NAA16: variants seen among roughly 807,000 people sequenced by gnomAD.
NAA16 encodes N-alpha-acetyltransferase 16, NatA auxiliary subunit, also known as NARG1-like protein.
A neutral mutation model predicts 110.3 loss-of-function variants in NAA16; 97 were observed. The ratio of observed to expected loss-of-function variants is 0.88; its 90% CI spans 0.75 to 1.04. The LOEUF (loss-of-function observed/expected upper bound fraction) is 1.04, where lower values mean the gene tolerates loss of function less well. Ranked by LOEUF, NAA16 falls within the 50% of genes least tolerant of loss-of-function variation. The pLI is 0.00. For missense variants in NAA16, 1,017 were observed against 1,005.1 expected, an observed-to-expected ratio of 1.01 and a Z score of -0.16; for synonymous variants, 372 against 330.6, an observed-to-expected ratio of 1.13 and a Z score of -1.36.
Position 41,367,020 on chromosome 13 carries a change from A to G in NAA16, c.1540-419A>G, listed in dbSNP as rs542475809. On this transcript the variant is annotated intron_variant, in intron 13 of 19. Coordinates refer to ENST00000379406, the MANE Select transcript of NAA16 (RefSeq NM_024561.5). The stretch of plus-strand genomic sequence containing the variant: ...AATGGTAGAGTTGAGTAGAGCAGTC[A>G]GATTTGTAAATATTTAGTGTGAACC... 2.0e-5 allele frequency among the ~76,000 whole-genome samples: 3 copies of G among 152,284 alleles called. 1 individual carries two copies. In the South Asian group the frequency reaches 6.2e-4, roughly 32 times the overall value.
chr13:41,360,763 C>T (rs1429271394), intron 12 of NAA16, among the ~76,000 whole-genome samples: 5 of 152,162 alleles, frequency 3.3e-5, no homozygotes, highest in African/African-American at 7.2e-5. Context: ...GAGTGAAGGG[C>T]GCATATTTCC....
chr13:41,351,159 G>T (rs547392158), intron 9 of NAA16, among the ~76,000 whole-genome samples: 8 of 152,296 alleles, frequency 5.3e-5, no homozygotes, highest in Admixed American at 1.3e-4. Context: ...TTTTCATAAA[G>T]TTGGGGAAAA....
At chr13:41,364,677 TCTAA>T (rs2043176930) in intron 13 of NAA16, among the ~76,000 whole-genome samples, 1 of 150,232 alleles carries the variant, frequency 6.7e-6, no homozygotes, top group East Asian at 2.0e-4. Flanking sequence ...TACATATATT[TCTAA>T]CTCTTTGATA....
chr13:41,342,884 C>A (rs1355308386), intron 9 of NAA16, among the ~76,000 whole-genome samples: 1 of 152,190 alleles, frequency 6.6e-6, no homozygotes, highest in African/African-American at 2.4e-5. Context: ...TTGTAGCACT[C>A]TTCCATCAGT....
chr13:41,355,279 C>A, intron 10 of NAA16, 63 bp downstream of exon 10: 1 of 1,024,562 alleles, frequency 9.8e-7, no homozygotes, highest in South Asian at 1.4e-5. Flanking sequence ...CACAGTAATG[C>A]TCTTTTATGT....
chr13:41,339,126 G>GTT (rs1211374543), intron 9 of NAA16, among the ~76,000 whole-genome samples: 3 of 147,794 alleles, frequency 2.0e-5, no homozygotes, highest in Non-Finnish European at 4.5e-5. Flanking sequence ...TGTTTTTGTT[G>GTT]TTGTTGTTTG....
At chr13:41,319,590 T>A (rs577752917) in intron 3 of NAA16, among the ~76,000 whole-genome samples, 137 of 152,206 alleles carry the variant, frequency 9.0e-4, no homozygotes, top group African/African-American at 3.1e-3. Context: ...GATCTAGGCT[T>A]ACTGCAACCT....
chr13:41,339,609 G>A (rs1243568556), intron 9 of NAA16, among the ~76,000 whole-genome samples: 1 of 152,086 alleles, frequency 6.6e-6, no homozygotes, highest in African/African-American at 2.4e-5. Context: ...CCAGGCTAGA[G>A]TGCAGTGGTG....
rs572712530 is a variant in NAA16, at chr13:41,360,041, A to G, written c.1410+1079A>G. ...AATAGCACTAGGTTCAAAGTCTTCAATGCCCTTTCCACTATATCACAGGTT... is the reference window on the plus strand; with the variant it reads ...AATAGCACTAGGTTCAAAGTCTTCAGTGCCCTTTCCACTATATCACAGGTT... On this transcript the variant is annotated intron_variant, in intron 12 of 19. Coordinates refer to ENST00000379406, the MANE Select transcript of NAA16 (RefSeq NM_024561.5). Among the ~76,000 whole-genome samples the G allele has an allele frequency of 3.5e-4, 54 of 152,330 alleles. 1 individual carries two copies. In the South Asian group the frequency reaches 8.7e-3, roughly 25 times the overall value.
intron 8 of NAA16, among the ~76,000 whole-genome samples, chr13:41,333,247 T>C (rs61963141): frequency 0.24 from 37,065 of 152,076 alleles, 5,087 homozygotes; most frequent in Admixed American, 0.34. Flanking sequence ...TTCTCCTCTT[T>C]GTTTTAAAAA....
intron 18 of NAA16, 77 bp downstream of exon 18, chr13:41,373,857 T>TA: frequency 1.3e-6 from 2 of 1,511,496 alleles, no homozygotes; most frequent in Non-Finnish European, 1.8e-6. Context: ...CCCCAAAATG[T>TA]AAAGCAAATG....
intron 11 of NAA16, 152 bp downstream of exon 11, chr13:41,358,625 T>C: frequency 1.4e-6 from 2 of 1,446,494 alleles, no homozygotes; most frequent in South Asian, 3.1e-5. Flanking sequence ...AATTGTATAA[T>C]CAATGTGTAA....
At chr13:41,356,844 G>C (rs985293488) in intron 10 of NAA16, among the ~76,000 whole-genome samples, 1 of 152,162 alleles carries the variant, frequency 6.6e-6, no homozygotes, top group Admixed American at 6.5e-5. Context: ...ATTCATACTT[G>C]TAAGTTATAG....
intron 13 of NAA16, among the ~76,000 whole-genome samples, chr13:41,367,016 A>C (rs2043220342): frequency 6.6e-6 from 1 of 152,180 alleles, no homozygotes; most frequent in African/African-American, 2.4e-5. Context: ...TGAGTAGAGC[A>C]GTCAGATTTG....
intron 1 of NAA16, among the ~76,000 whole-genome samples, chr13:41,312,035 A>T (rs576209629): frequency 2.1e-4 from 32 of 152,326 alleles, no homozygotes; most frequent in African/African-American, 7.7e-4. Context: ...GCACACCCGC[A>T]TACCTATTAA....
intron 18 of NAA16, 137 bp downstream of exon 18, chr13:41,373,917 T>TA: frequency 7.6e-7 from 1 of 1,317,800 alleles, no homozygotes; most frequent in East Asian, 2.9e-5. Context: ...AAATTTAAGT[T>TA]ATGTTCAATA....
rs759525533 is a variant in NAA16 at position 41,334,141 on chromosome 13, G to A, written c.908-2509G>A. On this transcript the variant is annotated intron_variant, in intron 8 of 19. Transcript: ENST00000379406. ...TGCTTTTATGTGCAATTAGAAAGCC[G>A]TCTTGGCATTATCAAAAGCAGTAAG... Among the ~76,000 whole-genome samples, 50 of 152,210 alleles carry A rather than the reference G, an allele frequency of 3.3e-4. 1 individual carries two copies. The highest frequency in any genetic ancestry group is 1.7e-3 in the Admixed American group (26 of 15,288).
intron 4 of NAA16, 90 bp from the exon 5 acceptor site, chr13:41,322,966 T>G: frequency 8.7e-7 from 1 of 1,146,154 alleles, no homozygotes. Context: ...ATATAGTTCA[T>G]TAGAAATGTG....
rs1330111013 is a variant in NAA16 at position 41,375,735 on chromosome 13, T to C, written c.*133T>C. Reference sequence around the variant, plus strand: ...TTTTTAAATGGCATATTCTGTAAGCTTATTTTGTTCTTTACCCGACCTGCC... The same window carrying C: ...TTTTTAAATGGCATATTCTGTAAGCCTATTTTGTTCTTTACCCGACCTGCC... On this transcript the variant is annotated 3_prime_UTR_variant, in exon 20 of 20. Coordinates refer to ENST00000379406, the MANE Select transcript of NAA16 (RefSeq NM_024561.5). 23 of 665,868 alleles carry C rather than the reference T, an allele frequency of 3.5e-5. No homozygotes were observed. The highest frequency in any genetic ancestry group is 1.2e-5 in the Non-Finnish European group (5 of 415,516). The allele number at this position is 665,868 out of a possible 1,614,324, so 41.2% of individuals were successfully genotyped here. A position where few individuals can be genotyped will look rare whatever the true frequency, so the allele number is the denominator to read the frequency against.
Sources: gnomAD v4.1 joint callset for allele counts (sites outside exome capture counted in the v4.1 genomes callset) on GRCh38, gnomAD v4.1.1 for gene constraint, MANE v1.5 for transcripts, NCBI Gene and HGNC (gene_info 2026-07-23, HGNC 2026-07-21) for gene names.